Variants in GRM7 observed in about 807,000 individuals in gnomAD.
GRM7 encodes metabotropic glutamate receptor 7.
In GRM7, 35 loss-of-function variants were observed where a neutral mutation model predicts 84.5. The ratio of observed to expected loss-of-function variants is 0.41; its 90% CI spans 0.32 to 0.55. The LOEUF (loss-of-function observed/expected upper bound fraction) is 0.55, where lower values mean the gene tolerates loss of function less well. Among genes scored for constraint, GRM7 ranks in the 20% least tolerant of loss-of-function variants. The pLI, the probability that GRM7 is intolerant of heterozygous loss-of-function variation, is 0.19. For synonymous variants in GRM7, 487 were observed against 455.1 expected, an observed-to-expected ratio of 1.07 and a Z score of -0.89; for missense variants, 1,003 against 1,194.6, an observed-to-expected ratio of 0.84 and a Z score of 2.36.
intron 2 of GRM7, among the ~76,000 whole-genome samples, chr3:7,202,016 T>C (rs982743002): frequency 2.0e-5 from 3 of 152,136 alleles, no homozygotes; most frequent in African/African-American, 7.2e-5. Flanking sequence ...TTTTCAACCT[T>C]ACAGGAACTT....
intron 4 of GRM7, among the ~76,000 whole-genome samples, chr3:7,350,527 G>T (rs965647490): frequency 6.6e-6 from 1 of 151,838 alleles, no homozygotes; most frequent in Non-Finnish European, 1.5e-5. Context: ...AGAAGCAGAA[G>T]CCACTATGCT....
chr3:7,068,479 C>G (rs561833082), intron 1 of GRM7, among the ~76,000 whole-genome samples: 1 of 152,044 alleles, frequency 6.6e-6, no homozygotes, highest in Admixed American at 6.6e-5. Flanking sequence ...TCTGCAATAC[C>G]CATGTATTTC....
rs927110664 is a variant in GRM7 at position 7,629,394 on chromosome 3, G to A, written c.2451+50037G>A. 5.3e-5 allele frequency among the ~76,000 whole-genome samples: 8 copies of A among 152,140 alleles called. No homozygotes were observed. The South Asian group carries it at 1.4e-3, about 28-fold the overall frequency. ...AGGATGCCAGCAGGGTTGGTTTCTGGTGAGGACTCTCCTCCTGGCTTGCAA... is the reference window on the plus strand; with the variant it reads ...AGGATGCCAGCAGGGTTGGTTTCTGATGAGGACTCTCCTCCTGGCTTGCAA... On this transcript the variant is annotated intron_variant, in intron 8 of 9. Transcript: ENST00000357716.
intron 7 of GRM7, among the ~76,000 whole-genome samples, chr3:7,550,567 CTCTCTCTCTCTGTGTGTGTGTGTG>C (rs769193403): frequency 4.3e-4 from 44 of 101,962 alleles, no homozygotes; most frequent in East Asian, 2.9e-4. Flanking sequence ...CTCTCTCTCT[CTCTCTCTCTCTGTGTGTGTGTGTG>C]TGTGTGTGTG....
intron 7 of GRM7, among the ~76,000 whole-genome samples, chr3:7,568,780 C>T (rs1305791935): frequency 6.6e-6 from 1 of 152,150 alleles, no homozygotes; most frequent in Non-Finnish European, 1.5e-5. Context: ...CCCAACAGTA[C>T]CGGCCCACTG....
intron 8 of GRM7, among the ~76,000 whole-genome samples, chr3:7,650,112 C>T (rs746625045): frequency 1.2e-4 from 18 of 152,140 alleles, no homozygotes; most frequent in South Asian, 2.1e-4. Context: ...TTTTATCCTA[C>T]GCAAGGAAAA....
chr3:7,202,120 T>C lies in GRM7; in HGVS notation c.736+55452T>C, dbSNP rs557364314. Among the ~76,000 whole-genome samples the C allele has an allele frequency of 2.2e-4, 34 of 152,294 alleles. No homozygotes were observed. In the South Asian group the frequency reaches 5.0e-3, roughly 22 times the overall value. On this transcript the variant is annotated intron_variant, in intron 2 of 9. Transcript: ENST00000357716. ...ATTTTTGGCTAGCCAAAAAAGTCTA[T>C]AGTCATCTTGTCTCAAATTAAAGGC...
chr3:7,030,263 C>T (rs1696142184), intron 1 of GRM7, among the ~76,000 whole-genome samples: 1 of 152,168 alleles, frequency 6.6e-6, no homozygotes, highest in Non-Finnish European at 1.5e-5. Context: ...TGACAGAAAG[C>T]AGTTCGATGG....
chr3:7,542,551 A>ATTTT (rs35372177), intron 7 of GRM7, among the ~76,000 whole-genome samples: 8 of 136,716 alleles, frequency 5.9e-5, no homozygotes, highest in East Asian at 2.1e-4. Context: ...ATGCATAGCA[A>ATTTT]TTTTTTTTTT....
rs1422561459 is a variant in GRM7, at chr3:7,256,526, C to T, written c.737-42158C>T. On this transcript the variant is annotated intron_variant, in intron 2 of 9. Transcript: ENST00000357716. ...GGCTTTCTGTTATGCTCCAGTAAGA[C>T]AATTCAGGGAGTTGTTATAGTGAAG... 2.0e-5 allele frequency among the ~76,000 whole-genome samples: 3 copies of T among 152,208 alleles called. No homozygotes were observed. In the East Asian group the frequency reaches 5.8e-4, roughly 29 times the overall value.
chr3:6,918,543 C>A (rs1559328230), intron 1 of GRM7, among the ~76,000 whole-genome samples: 1 of 152,134 alleles, frequency 6.6e-6, no homozygotes. Flanking sequence ...CCTGTTTCCC[C>A]TTCCATTAAG....
At chr3:7,250,136 C>T (rs1039642969) in intron 2 of GRM7, among the ~76,000 whole-genome samples, 1 of 152,008 alleles carries the variant, frequency 6.6e-6, no homozygotes, top group African/African-American at 2.4e-5. Context: ...TGGATATTGG[C>T]AGAACAACAT....
At chr3:7,653,906 G>A (rs1008660445) in intron 8 of GRM7, among the ~76,000 whole-genome samples, 2 of 152,112 alleles carry the variant, frequency 1.3e-5, no homozygotes, top group Admixed American at 6.5e-5. Context: ...AAAAGATGGG[G>A]CCAGGGTTCT....
At chr3:7,153,980 G>T (rs1694366800) in intron 2 of GRM7, among the ~76,000 whole-genome samples, 1 of 152,130 alleles carries the variant, frequency 6.6e-6, no homozygotes, top group Non-Finnish European at 1.5e-5. Context: ...GACCTAAAGT[G>T]GTTTGTGGAT....
intron 1 of GRM7, among the ~76,000 whole-genome samples, chr3:7,094,861 A>G (rs1004051016): frequency 1.3e-5 from 2 of 152,188 alleles, no homozygotes; most frequent in African/African-American, 4.8e-5. Context: ...TAAAAAAATT[A>G]CATCTTTATT....
chr3:7,665,871 C>G (rs1699676262), intron 8 of GRM7, among the ~76,000 whole-genome samples: 2 of 152,096 alleles, frequency 1.3e-5, no homozygotes, highest in African/African-American at 4.8e-5. Flanking sequence ...ATATTTACAC[C>G]TCAAAAAGAG....
At chr3:7,264,010 G>T (rs543902392) in intron 2 of GRM7, among the ~76,000 whole-genome samples, 2 of 152,198 alleles carry the variant, frequency 1.3e-5, no homozygotes, top group African/African-American at 4.8e-5. Context: ...GCAGGCTGGT[G>T]TGTCTGTAGG....
chr3:7,237,228 A>C (rs1697377851), intron 2 of GRM7, among the ~76,000 whole-genome samples: 1 of 152,154 alleles, frequency 6.6e-6, no homozygotes, highest in Non-Finnish European at 1.5e-5. Flanking sequence ...CATTTCTGTT[A>C]CCTCTATCCT....
chr3:7,132,007 A>G (rs895283187), intron 1 of GRM7, among the ~76,000 whole-genome samples: 5 of 152,012 alleles, frequency 3.3e-5, no homozygotes, highest in Non-Finnish European at 5.9e-5. Context: ...TGCTTTTACC[A>G]TTTCTCTTCA....
Sources: allele counts gnomAD v4.1 joint callset (sites outside exome capture counted in the v4.1 genomes callset), GRCh38; gene constraint gnomAD v4.1.1; transcripts MANE v1.5; gene names NCBI Gene and HGNC (gene_info 2026-07-23, HGNC 2026-07-21).